The following DIABLO variants were observed in gnomAD, a reference collection of about 807,000 sequenced individuals.
DIABLO encodes diablo homolog, mitochondrial.
DIABLO carries 32 observed loss-of-function variants against 31.7 expected under a neutral mutation model. The ratio of observed to expected loss-of-function variants is 1.01; its 90% CI spans 0.76 to 1.35. DIABLO has a LOEUF of 1.35. Ranked by LOEUF, DIABLO falls within the 40% of genes most tolerant of loss-of-function variation. The probability of loss-of-function intolerance (pLI) is 0.00; values close to 1 mark genes in which losing one functional copy is unlikely to be tolerated. For missense variants in DIABLO, 316 were observed against 286.4 expected, an observed-to-expected ratio of 1.10 and a Z score of -0.75; for synonymous variants, 132 against 103.2, an observed-to-expected ratio of 1.28 and a Z score of -1.69.
At position 122,225,989 on chromosome 12, in the gene DIABLO, G is replaced by T; in HGVS notation, c.26C>A (p.Ser9Ter). Residue 9 changes from serine (S) to a stop codon, truncating the protein, a stop_gained, in exon 1 of 6, where the codon TCG becomes TAG. Transcript: ENST00000464942. LOFTEE classifies it high-confidence loss of function. Reference protein sequence around the residue: MAALKSWLSRSVTSFFRYR... With the variant: MAALKSWL ...CCTGAAGAATGAAGTTACGCTGCGC[G>T]ACAGCCAACTCTTCAGAGCCGCCAT... 2 of 1,602,910 alleles carry T rather than the reference G, an allele frequency of 1.2e-6. No individual in the cohort carries two copies. The highest frequency in any genetic ancestry group is 1.7e-6 in the Non-Finnish European group (2 of 1,175,560).
In DIABLO at chr12:122,220,363, C is replaced by A. The variant is rs575655330; in HGVS notation, c.184-1966G>T. ...ATGACACATCCTCCCTGACTCTCTGCCTTTTTCCTCCTCAGCAAAGCACTC... is the reference window on the plus strand; with the variant it reads ...ATGACACATCCTCCCTGACTCTCTGACTTTTTCCTCCTCAGCAAAGCACTC... On this transcript the variant is annotated intron_variant, in intron 2 of 5. Coordinates refer to ENST00000464942, the MANE Select transcript of DIABLO (RefSeq NM_001371333.1). Among the ~76,000 whole-genome samples, 3 of 152,230 alleles carry A rather than the reference C, an allele frequency of 2.0e-5. No homozygotes were observed. The South Asian group carries it at 6.2e-4, about 32-fold the overall frequency.
At chr12:122,227,076 T>A (rs1477660626), upstream of DIABLO, among the ~76,000 whole-genome samples, 2 of 152,150 alleles carry the variant, frequency 1.3e-5, no homozygotes, top group African/African-American at 2.4e-5. Flanking sequence ...AGCTGGAGGA[T>A]CTTTGCTTTG....
In DIABLO at chr12:122,208,086, A is replaced by G. The variant is rs758707475; in HGVS notation, c.*295T>C. 1.1e-4 allele frequency: 69 copies of G among 618,166 alleles called. 2 individuals carry two copies. The highest frequency in any genetic ancestry group is 1.0e-3 in the South Asian group (68 of 65,942). The allele number at this position is 618,166 out of a possible 1,614,324, so 38.3% of individuals were successfully genotyped here. A position where few individuals can be genotyped will look rare whatever the true frequency, so the allele number is the denominator to read the frequency against. ...ATGACAAAAAGGACTCCTCTCTCTG[A>G]CCCAGGTAGGCAAAATGCTTTGGGT... On this transcript the variant is annotated 3_prime_UTR_variant, in exon 6 of 6. Coordinates refer to ENST00000464942, the MANE Select transcript of DIABLO (RefSeq NM_001371333.1).
Position 122,207,992 on chromosome 12 carries a change from A to C in DIABLO, c.*389T>G, listed in dbSNP as rs1373042080. ...AACTGGCATCCCAACAGAGGGAACA[A>C]GTACTAAATCATTTTTGACGACGTA... On this transcript the variant is annotated 3_prime_UTR_variant, in exon 6 of 6. Coordinates refer to ENST00000464942, the MANE Select transcript of DIABLO (RefSeq NM_001371333.1). 1 of 475,690 alleles carries C rather than the reference A, an allele frequency of 2.1e-6. No homozygotes were observed. Among genetic ancestry groups the C allele is most frequent in the East Asian group, 6.5e-5 (1 of 15,500 alleles). The allele number at this position is 475,690 out of a possible 1,614,324, so 29.5% of individuals were successfully genotyped here.
chr12:122,226,119 G>GC (rs1566031121), upstream of DIABLO: 6 of 1,481,928 alleles, frequency 4.0e-6, no homozygotes, highest in Middle Eastern at 2.3e-4. Flanking sequence ...CCATAGCCAC[G>GC]CCCCCACCCA....
intron 1 of DIABLO, chr12:122,225,673 T>G: frequency 7.3e-7 from 1 of 1,374,276 alleles, no homozygotes; most frequent in Non-Finnish European, 9.4e-7. Context: ...CTCAGGGACT[T>G]CGAGTGGCTG....
At chr12:122,225,328 A>C in intron 1 of DIABLO, 1 of 870,178 alleles carries the variant, frequency 1.1e-6, no homozygotes, top group Non-Finnish European at 1.4e-6. Flanking sequence ...CACAGGTTGC[A>C]GTGAGCTGAG....
At chr12:122,226,418 G>A (rs780348725), upstream of DIABLO, 29 of 681,220 alleles carry the variant, frequency 4.3e-5, no homozygotes, top group Non-Finnish European at 5.3e-5. Flanking sequence ...GCCGGGCGCG[G>A]CGACGGCGCT....
chr12:122,223,823 A>C (rs985719161), intron 2 of DIABLO, among the ~76,000 whole-genome samples: 3 of 152,156 alleles, frequency 2.0e-5, no homozygotes, highest in Non-Finnish European at 4.4e-5. Context: ...GTTTTTGAGA[A>C]AAGGTCTTGC....
chr12:122,210,551 T>A (rs531735547), intron 5 of DIABLO, among the ~76,000 whole-genome samples: 46 of 151,842 alleles, frequency 3.0e-4, no homozygotes, highest in East Asian at 5.8e-4. Context: ...TTATTTATTT[T>A]TTTTATTTTA....
chr12:122,224,841 C>T, intron 1 of DIABLO, 197 bp from the exon 2 acceptor site: 2 of 1,497,610 alleles, frequency 1.3e-6, no homozygotes, highest in South Asian at 2.4e-5. Context: ...TGGTGGCTCA[C>T]GCCTGTAATC....
intron 5 of DIABLO, among the ~76,000 whole-genome samples, chr12:122,215,253 C>T (rs1360645571): frequency 4.6e-5 from 7 of 151,202 alleles, no homozygotes; most frequent in Non-Finnish European, 1.0e-4. Flanking sequence ...CCACTGCAGC[C>T]TGGGCACCAA....
At chr12:122,221,037 A>G (rs1593179537) in intron 2 of DIABLO, 2 of 152,352 alleles carry the variant, frequency 1.3e-5, no homozygotes, top group South Asian at 4.1e-4. Flanking sequence ...ACTTTTCCAA[A>G]AAGTCACATC....
intron 5 of DIABLO, among the ~76,000 whole-genome samples, chr12:122,215,365 G>A (rs560075004): frequency 6.6e-6 from 1 of 151,960 alleles, no homozygotes; most frequent in African/African-American, 2.4e-5. Flanking sequence ...GATCACCTGA[G>A]GTCAGGAGTT....
At chr12:122,225,894 G>T in intron 1 of DIABLO, 71 bp downstream of exon 1, 1 of 1,545,824 alleles carries the variant, frequency 6.5e-7, no homozygotes. Flanking sequence ...GGCGCCGTGG[G>T]CCGGGCCACA....
chr12:122,219,389 A>C (rs777689196), intron 2 of DIABLO, among the ~76,000 whole-genome samples: 12 of 152,192 alleles, frequency 7.9e-5, no homozygotes, highest in Non-Finnish European at 1.3e-4. Flanking sequence ...GGGTAGAGAG[A>C]GCAGGATGAT....
chr12:122,208,708 T>C (rs1566020199), intron 5 of DIABLO, 131 bp from the exon 6 acceptor site: 1 of 866,838 alleles, frequency 1.2e-6, no homozygotes, highest in Non-Finnish European at 1.9e-6. Flanking sequence ...CCTCCCTGTC[T>C]TCTCTCTCTG....
chr12:122,208,215 G>T lies in DIABLO; in HGVS notation c.*166C>A. The T allele has an allele frequency of 1.3e-6, 1 of 799,398 alleles. No homozygotes were observed. The highest frequency in any genetic ancestry group is 2.1e-6 in the Non-Finnish European group (1 of 475,960). 49.5% of individuals were successfully genotyped at this position (799,398 alleles called of 1,614,324 possible). On this transcript the variant is annotated 3_prime_UTR_variant, in exon 6 of 6. Transcript: ENST00000464942. Reference sequence around the variant, plus strand: ...AGAACCAGGTCCAGCGCAAGCCTGAGACCACAGGAGGCACTCACAGCTCAC... The same window carrying T: ...AGAACCAGGTCCAGCGCAAGCCTGATACCACAGGAGGCACTCACAGCTCAC...
Position 122,219,628 on chromosome 12 carries a change from G to C in DIABLO, c.184-1231C>G, listed in dbSNP as rs532961623. On this transcript the variant is annotated intron_variant, in intron 2 of 5. Transcript: ENST00000464942. ...TCCCAATAGTTTGGGAGGCCGAGGC[G>C]GGTGGATCACAAGGTCAAGAGATCG... Among the ~76,000 whole-genome samples, 8 of 152,014 alleles carry C rather than the reference G, an allele frequency of 5.3e-5. No homozygotes were observed. The East Asian group carries it at 1.6e-3, about 30-fold the overall frequency.
Sources: allele counts gnomAD v4.1 joint callset (sites outside exome capture counted in the v4.1 genomes callset), GRCh38; gene constraint gnomAD v4.1.1; transcripts MANE v1.5; gene names NCBI Gene and HGNC (gene_info 2026-07-23, HGNC 2026-07-21).